The following STK31 variants were observed in gnomAD, a reference collection of about 807,000 sequenced individuals.
STK31 encodes serine/threonine-protein kinase 31.
STK31 carries 89 observed loss-of-function variants against 129.7 expected under a neutral mutation model. That is an observed-to-expected ratio of 0.69 (90% confidence interval 0.58 to 0.82). The LOEUF is 0.82. Among genes scored for constraint, STK31 ranks in the 40% least tolerant of loss-of-function variants. STK31 has a pLI of 0.00. For synonymous variants in STK31, 448 were observed against 395.3 expected (o/e 1.13, Z -1.58); for missense variants, 1,187 against 1,176.4 (o/e 1.01, Z -0.13).
chr7:23,818,503 C>T (rs1408224020), intron 23 of STK31, among the ~76,000 whole-genome samples: 4 of 152,000 alleles, frequency 2.6e-5, no homozygotes, highest in African/African-American at 7.3e-5. Flanking sequence ...GTTTTTCTAT[C>T]CCATTGGTTT....
At chr7:23,797,885 C>T (rs926833977) in intron 22 of STK31, among the ~76,000 whole-genome samples, 5 of 151,578 alleles carry the variant, frequency 3.3e-5, no homozygotes, top group Non-Finnish European at 7.4e-5. Context: ...AAAGAAGAAT[C>T]AAATAGACAC....
intron 10 of STK31, 139 bp downstream of exon 10, chr7:23,754,613 T>A (rs181917703): frequency 2.2e-6 from 2 of 905,094 alleles, no homozygotes; most frequent in Non-Finnish European, 3.3e-6. Flanking sequence ...TGCGCCGTGG[T>A]AGTTTGCTGC....
intron 22 of STK31, among the ~76,000 whole-genome samples, chr7:23,793,787 T>A (rs975379615): frequency 2.0e-5 from 3 of 152,182 alleles, no homozygotes; most frequent in Non-Finnish European, 1.5e-5. Context: ...CCCAGGGGAA[T>A]GTAAAGGGAA....
At position 23,731,967 on chromosome 7, in the gene STK31, A is replaced by C. The variant is rs911246411; in HGVS notation, c.483+2718A>C. ...CTAAAAAGTGACATTCATCTTTTTT[A>C]ATGATTGAAAGCCTTATGTTCTAAA... is the stretch of plus-strand genomic sequence containing the variant. On this transcript the variant is annotated intron_variant, in intron 6 of 23. Coordinates refer to ENST00000355870, the MANE Select transcript of STK31 (RefSeq NM_031414.5). 4.6e-5 allele frequency among the ~76,000 whole-genome samples: 7 copies of C among 152,190 alleles called. No individual in the cohort carries two copies. In the East Asian group the frequency reaches 1.3e-3, roughly 29 times the overall value.
intron 22 of STK31, among the ~76,000 whole-genome samples, chr7:23,810,193 C>T (rs561834086): frequency 6.6e-6 from 1 of 152,174 alleles, no homozygotes; most frequent in South Asian, 2.1e-4. Flanking sequence ...CTAATGTCTA[C>T]TTTGTCTGAT....
At position 23,717,502 on chromosome 7, in the gene STK31, A is replaced by T; in HGVS notation, c.172A>T (p.Ile58Phe). The T allele has an allele frequency of 1.2e-6, 2 of 1,611,708 alleles. No individual in the cohort carries two copies. Among genetic ancestry groups the T allele is most frequent in the Non-Finnish European group, 1.7e-6 (2 of 1,178,262 alleles). The change falls in exon 4 of 24, where the codon ATC becomes TTC. Residue 58 changes from isoleucine (I) to phenylalanine (F), a missense_variant. Ile to Phe is a conservative substitution (Grantham distance 21). Around this residue, in one of 5 missense-constraint regions of STK31, gnomAD observed 104 missense variants for 98.3 expected, o/e 1.06. Coordinates refer to ENST00000355870, the MANE Select transcript of STK31 (RefSeq NM_031414.5). ...WAQSINRNKD[I>F]MKIGCSLSEV... is the part of the protein sequence containing the mutation. ...CTAGAGTATCAATAGAAATAAGGAT[A>T]TCATGAAGATTGGTTGCTCACTGTC...
chr7:23,815,243 G>C, intron 23 of STK31, 31 bp downstream of exon 23: 1 of 1,433,902 alleles, frequency 7.0e-7, no homozygotes, highest in Non-Finnish European at 9.5e-7. Context: ...TTACTGGTTT[G>C]AAACACATGC....
intron 22 of STK31, among the ~76,000 whole-genome samples, chr7:23,798,204 T>G (rs191324675): frequency 6.6e-6 from 1 of 152,164 alleles, no homozygotes; most frequent in African/African-American, 2.4e-5. Context: ...TTTCTGAAAC[T>G]GTTCCAAACA....
At chr7:23,774,505 T>G (rs1790415119) in intron 15 of STK31, among the ~76,000 whole-genome samples, 1 of 152,212 alleles carries the variant, frequency 6.6e-6, no homozygotes, top group African/African-American at 2.4e-5. Flanking sequence ...CTCACTGTGG[T>G]TTTGATTTGC....
intron 23 of STK31, among the ~76,000 whole-genome samples, chr7:23,831,202 TTATC>T (rs1487431725): frequency 1.3e-5 from 2 of 152,304 alleles, no homozygotes; most frequent in African/African-American, 4.8e-5. Flanking sequence ...TCTCTCTAGA[TTATC>T]TGTCTAGTGG....
intron 14 of STK31, chr7:23,771,720 A>T (rs1790206754): frequency 6.5e-6 from 1 of 153,852 alleles, no homozygotes; most frequent in African/African-American, 2.4e-5. Context: ...TTTGTGCATA[A>T]TTTTTTGTTT....
At chr7:23,730,878 A>ATATATTTTTT in intron 6 of STK31, among the ~76,000 whole-genome samples, 3 of 59,540 alleles carry the variant, frequency 5.0e-5, no homozygotes, top group Admixed American at 2.7e-4. Context: ...ATATATATAT[A>ATATATTTTTT]TTTTTTTTTT....
At chr7:23,816,673 C>G (rs994821779) in intron 23 of STK31, among the ~76,000 whole-genome samples, 2 of 152,178 alleles carry the variant, frequency 1.3e-5, no homozygotes, top group East Asian at 3.8e-4. Flanking sequence ...ATCATGGCAG[C>G]GTGTTTCATT....
intron 22 of STK31, among the ~76,000 whole-genome samples, chr7:23,793,021 C>T (rs1562607271): frequency 1.3e-5 from 2 of 152,188 alleles, no homozygotes; most frequent in East Asian, 1.9e-4. Context: ...GACCCTGTTT[C>T]TAAAAACACA....
At chr7:23,715,549 G>T (rs975939434) in intron 3 of STK31, among the ~76,000 whole-genome samples, 18 of 151,690 alleles carry the variant, frequency 1.2e-4, no homozygotes, top group African/African-American at 3.9e-4. Context: ...GGGCCCAGGA[G>T]ATTGAGACTG....
At chr7:23,812,607 G>A (rs1793210091) in intron 22 of STK31, among the ~76,000 whole-genome samples, 1 of 151,688 alleles carries the variant, frequency 6.6e-6, no homozygotes, top group Non-Finnish European at 1.5e-5. Flanking sequence ...GGCTTTTAGT[G>A]TAATTTTGAA....
intron 23 of STK31, among the ~76,000 whole-genome samples, chr7:23,827,472 A>G (rs1459735517): frequency 1.3e-5 from 2 of 151,838 alleles, no homozygotes; most frequent in Non-Finnish European, 2.9e-5. Flanking sequence ...ACTTCTCTGC[A>G]TTGGTTATTC....
chr7:23,738,778 A>T (rs1051405053), intron 8 of STK31, among the ~76,000 whole-genome samples: 1 of 151,070 alleles, frequency 6.6e-6, no homozygotes, highest in Non-Finnish European at 1.5e-5. Context: ...CTGGTTTCGA[A>T]CTCCTCAGGT....
chr7:23,830,967 G>T (rs1187598907), intron 23 of STK31, among the ~76,000 whole-genome samples: 2 of 151,990 alleles, frequency 1.3e-5, no homozygotes, highest in Non-Finnish European at 2.9e-5. Flanking sequence ...TTGATTTTTA[G>T]TTTTCCATTG....
Sources: allele counts gnomAD v4.1 joint callset (sites outside exome capture counted in the v4.1 genomes callset), GRCh38; gene constraint gnomAD v4.1.1; regional missense constraint gnomAD v4.1.1; transcripts MANE v1.5; gene names NCBI Gene and HGNC (gene_info 2026-07-23, HGNC 2026-07-21).